Variants in TMEM108 observed in about 807,000 individuals in gnomAD.
TMEM108 encodes the protein transmembrane protein 108.
A neutral mutation model predicts 35.1 loss-of-function variants in TMEM108; 12 were observed. The observed-to-expected ratio is 0.34, with a 90% confidence interval of 0.22 to 0.55. The LOEUF (loss-of-function observed/expected upper bound fraction) is 0.55. Among genes scored for constraint, TMEM108 ranks in the 20% least tolerant of loss-of-function variants. The pLI is 0.89. For missense variants in TMEM108, 680 were observed against 753.3 expected, an observed-to-expected ratio of 0.90 and a Z score of 1.14; for synonymous variants, 287 against 308.6, an observed-to-expected ratio of 0.93 and a Z score of 0.73.
At chr3:133,217,590 G>A (rs1172368995) in intron 2 of TMEM108, among the ~76,000 whole-genome samples, 1 of 151,826 alleles carries the variant, frequency 6.6e-6, no homozygotes. Context: ...AATCTATTTG[G>A]AATTGAGTTT....
intron 2 of TMEM108, among the ~76,000 whole-genome samples, chr3:133,173,969 C>A (rs1338353574): frequency 6.6e-6 from 1 of 152,212 alleles, no homozygotes; most frequent in Non-Finnish European, 1.5e-5. Flanking sequence ...AAAATCGGGT[C>A]ACTCCCACCC....
chr3:133,157,037 A>G (rs1481328997), intron 2 of TMEM108, among the ~76,000 whole-genome samples: 4 of 152,222 alleles, frequency 2.6e-5, no homozygotes. Context: ...TTGTTACTGC[A>G]ACATAATTTC....
chr3:133,353,216 C>T (rs1182678482), intron 3 of TMEM108, among the ~76,000 whole-genome samples: 1 of 152,104 alleles, frequency 6.6e-6, no homozygotes, highest in Non-Finnish European at 1.5e-5. Context: ...TACTGGAAAG[C>T]TAGAGACAAA....
intron 3 of TMEM108, among the ~76,000 whole-genome samples, chr3:133,372,436 A>G (rs1017810044): frequency 7.2e-5 from 11 of 152,172 alleles, no homozygotes; most frequent in Admixed American, 3.3e-4. Flanking sequence ...GAAAAGGCCT[A>G]TGCTTACTCT....
At position 133,153,828 on chromosome 3, in the gene TMEM108, A is replaced by G. The variant is rs1432522827; in HGVS notation, c.-46-75438A>G. On this transcript the variant is annotated intron_variant, in intron 2 of 5. Transcript: ENST00000321871. ...GCAATGGTTGTATATAGTAAGAATG[A>G]TGTGTTGTCTGTAGTGTGTGACGTG... is the stretch of plus-strand genomic sequence containing the variant. 2.0e-5 allele frequency among the ~76,000 whole-genome samples: 3 copies of G among 152,158 alleles called. No individual in the cohort carries two copies. In the East Asian group the frequency reaches 5.8e-4, roughly 29 times the overall value.
chr3:133,391,513 A>C (rs911843287), intron 5 of TMEM108, among the ~76,000 whole-genome samples: 3 of 152,148 alleles, frequency 2.0e-5, no homozygotes, highest in African/African-American at 7.2e-5. Context: ...TAAAGTTCAA[A>C]GTCTTGTATA....
At chr3:133,277,295 C>T (rs183838209) in intron 3 of TMEM108, among the ~76,000 whole-genome samples, 1 of 151,988 alleles carries the variant, frequency 6.6e-6, no homozygotes, top group Non-Finnish European at 1.5e-5. Flanking sequence ...TAAAAGATTT[C>T]TTTATAGTTT....
At chr3:133,184,338 A>G (rs6792137) in intron 2 of TMEM108, among the ~76,000 whole-genome samples, 111,277 of 152,094 alleles carry the variant, frequency 0.73, 40,973 homozygotes, top group East Asian at 0.96. Context: ...TTTAATTCAC[A>G]GCCAAGACTT....
At chr3:133,169,815 A>G (rs942959008) in intron 2 of TMEM108, among the ~76,000 whole-genome samples, 8 of 152,158 alleles carry the variant, frequency 5.3e-5, no homozygotes, top group African/African-American at 1.9e-4. Context: ...ATTATCTATC[A>G]AATACCAGAT....
At chr3:133,351,560 G>A (rs192594472) in intron 3 of TMEM108, among the ~76,000 whole-genome samples, 1 of 152,158 alleles carries the variant, frequency 6.6e-6, no homozygotes, top group Non-Finnish European at 1.5e-5. Context: ...GAAGGCTGAG[G>A]GAGGATGAGA....
chr3:133,059,076 C>T (rs1030745752), intron 2 of TMEM108, among the ~76,000 whole-genome samples: 12 of 152,210 alleles, frequency 7.9e-5, no homozygotes, highest in African/African-American at 2.7e-4. Flanking sequence ...ATTGTGTCCT[C>T]CTCACATAGT....
intron 2 of TMEM108, among the ~76,000 whole-genome samples, chr3:133,203,886 A>G (rs1945709904): frequency 6.6e-6 from 1 of 152,036 alleles, no homozygotes; most frequent in Non-Finnish European, 1.5e-5. Flanking sequence ...GCTTTTCTTT[A>G]TACCTCTGGT....
At chr3:133,067,913 A>G (rs1943630251) in intron 2 of TMEM108, among the ~76,000 whole-genome samples, 1 of 152,062 alleles carries the variant, frequency 6.6e-6, no homozygotes, top group South Asian at 2.1e-4. Context: ...ATAGAAAAAA[A>G]AAAGAAACTG....
intron 3 of TMEM108, among the ~76,000 whole-genome samples, chr3:133,332,473 A>G (rs1320982315): frequency 6.6e-6 from 1 of 152,224 alleles, no homozygotes; most frequent in African/African-American, 2.4e-5. Flanking sequence ...GAGAGTTGTA[A>G]TATGTGGCAG....
chr3:133,178,856 A>G (rs928493367), intron 2 of TMEM108, among the ~76,000 whole-genome samples: 7 of 152,182 alleles, frequency 4.6e-5, no homozygotes, highest in Admixed American at 1.3e-4. Context: ...AGAAACTACC[A>G]TCAGAGTGAA....
At chr3:133,078,361 A>G (rs1238759104) in intron 2 of TMEM108, among the ~76,000 whole-genome samples, 1 of 152,124 alleles carries the variant, frequency 6.6e-6, no homozygotes, top group Non-Finnish European at 1.5e-5. Context: ...ATTAGAAGAC[A>G]GGTTACTCCC....
At chr3:133,208,466 G>A (rs34707548) in intron 2 of TMEM108, among the ~76,000 whole-genome samples, 19,936 of 152,172 alleles carry the variant, frequency 0.13, 1,433 homozygotes, top group South Asian at 0.22. Context: ...TGATGGGGAT[G>A]ATTCTGGATC....
chr3:133,251,123 G>A (rs780635053), intron 3 of TMEM108, among the ~76,000 whole-genome samples: 1 of 152,162 alleles, frequency 6.6e-6, no homozygotes, highest in African/African-American at 2.4e-5. Flanking sequence ...GTAACCCAAA[G>A]GGACATGGAA....
chr3:133,289,145 A>G (rs1166542808), intron 3 of TMEM108, among the ~76,000 whole-genome samples: 1 of 152,150 alleles, frequency 6.6e-6, no homozygotes, highest in Non-Finnish European at 1.5e-5. Context: ...TATGTTTGGA[A>G]CAGGGTTGGC....
Sources: allele counts gnomAD v4.1 joint callset (sites outside exome capture counted in the v4.1 genomes callset), GRCh38; gene constraint gnomAD v4.1.1; transcripts MANE v1.5; gene names NCBI Gene and HGNC (gene_info 2026-07-23, HGNC 2026-07-21).